Variants in PCDHA1 observed in about 807,000 individuals in gnomAD.
PCDHA1 encodes the protein protocadherin alpha-1.
A neutral mutation model predicts 61.3 loss-of-function variants in PCDHA1; 42 were observed. The ratio of observed to expected loss-of-function variants is 0.69; its 90% confidence interval spans 0.54 to 0.89. The LOEUF is 0.89. Ranked by LOEUF, PCDHA1 falls within the 40% of genes least tolerant of loss-of-function variation. PCDHA1 has a pLI of 0.00. For synonymous variants in PCDHA1, 610 were observed against 553.8 expected (o/e 1.10, Z -1.43); for missense variants, 1,256 against 1,235.3 (o/e 1.02, Z -0.25).
chr5:140,879,879 G>A lies in PCDHA1; in HGVS notation c.2394+91195G>A, dbSNP rs564256513. Among the ~76,000 whole-genome samples the A allele has an allele frequency of 4.6e-5, 7 of 152,240 alleles. No individual in the cohort carries two copies. In the South Asian group the frequency reaches 1.5e-3, roughly 32 times the overall value. On this transcript the variant is annotated intron_variant, in intron 1 of 3. Coordinates refer to ENST00000504120, the MANE Select transcript of PCDHA1 (RefSeq NM_018900.4). ...CCTTCTCAGCTTTCATGGTCACATT[G>A]CCTCCTCCTCTCCATGTCTCTCTCT... is the stretch of plus-strand genomic sequence containing the variant.
chr5:140,865,854 C>T (rs1029695094), intron 1 of PCDHA1: 1 of 152,144 alleles, frequency 6.6e-6, no homozygotes, highest in Non-Finnish European at 1.5e-5. Context: ...TTTCTCTGCT[C>T]AAACATGGTC....
intron 1 of PCDHA1, chr5:140,862,507 G>C (rs2047400822): frequency 5.0e-6 from 2 of 401,986 alleles, no homozygotes; most frequent in Non-Finnish European, 5.0e-6. Flanking sequence ...ATGGGGACTC[G>C]CTTTCATTGT....
rs576230620 is a variant in PCDHA1 at position 140,948,680 on chromosome 5, T to C, written c.2395-30269T>C. 2.0e-5 allele frequency among the ~76,000 whole-genome samples: 3 copies of C among 151,762 alleles called. No homozygotes were observed. The South Asian group carries it at 6.2e-4, about 31-fold the overall frequency. On this transcript the variant is annotated intron_variant, in intron 1 of 3. Coordinates refer to ENST00000504120, the MANE Select transcript of PCDHA1 (RefSeq NM_018900.4). Reference sequence around the variant, plus strand: ...ATCTGTAGTGATAACATCTTTTTCATTTTTGATATTGGTGATTTGTGTTCT... The same window carrying C: ...ATCTGTAGTGATAACATCTTTTTCACTTTTGATATTGGTGATTTGTGTTCT...
intron 1 of PCDHA1, among the ~76,000 whole-genome samples, chr5:140,899,853 G>T (rs2067594174): frequency 6.6e-6 from 1 of 152,118 alleles, no homozygotes; most frequent in South Asian, 2.1e-4. Context: ...TGTCACCCAG[G>T]CTGGAGTGCA....
intron 1 of PCDHA1, among the ~76,000 whole-genome samples, chr5:140,925,482 A>G (rs1238702660): frequency 2.0e-5 from 3 of 152,088 alleles, no homozygotes; most frequent in Admixed American, 6.6e-5. Flanking sequence ...TTCTCATAGA[A>G]CTGATCACTG....
chr5:140,802,323 G>T (rs1459793883), intron 1 of PCDHA1: 1 of 1,614,220 alleles, frequency 6.2e-7, no homozygotes, highest in Non-Finnish European at 8.5e-7. Context: ...CAGCGTGTCC[G>T]ACCGCGACTC....
chr5:140,833,788 C>T (rs1397261820), intron 1 of PCDHA1, among the ~76,000 whole-genome samples: 1 of 152,046 alleles, frequency 6.6e-6, no homozygotes, highest in Non-Finnish European at 1.5e-5. Context: ...GTTTCTCTTT[C>T]ATCAATCAGT....
chr5:140,930,747 CAT>C (rs2087070106), intron 1 of PCDHA1, among the ~76,000 whole-genome samples: 1 of 152,116 alleles, frequency 6.6e-6, no homozygotes, highest in Non-Finnish European at 1.5e-5. Context: ...AATAAATTTA[CAT>C]ATGTTAAAAT....
chr5:140,895,309 C>A (rs1327911944), intron 1 of PCDHA1, among the ~76,000 whole-genome samples: 1 of 152,124 alleles, frequency 6.6e-6, no homozygotes, highest in African/African-American at 2.4e-5. Context: ...CCCCCTTCCA[C>A]CCATGACTAT....
chr5:140,967,119 T>C lies in PCDHA1; in HGVS notation c.2395-11830T>C, dbSNP rs374670692. 97 of 1,612,790 alleles carry C rather than the reference T, an allele frequency of 6.0e-5. No homozygotes were observed. The highest frequency in any genetic ancestry group is 8.1e-5 in the Non-Finnish European group (95 of 1,179,410). The stretch of plus-strand genomic sequence containing the variant: ...CTGTGTGAGCAGCGGCCTCGCTGCC[T>C]GCTCAGCTTGGAAGTGCTGGCGCAC... On this transcript the variant is annotated intron_variant, in intron 1 of 3. Transcript: ENST00000504120.
At chr5:140,876,950 C>A in intron 1 of PCDHA1, 1 of 1,613,514 alleles carries the variant, frequency 6.2e-7, no homozygotes, top group Non-Finnish European at 8.5e-7. Context: ...GTGTCCTACT[C>A]GCTGGTGGAG....
At chr5:140,989,894 T>C (rs907697062) in intron 3 of PCDHA1, among the ~76,000 whole-genome samples, 7 of 151,812 alleles carry the variant, frequency 4.6e-5, no homozygotes, top group Admixed American at 3.3e-4. Context: ...GTCTCCGTTA[T>C]TCACAATCAG....
intron 1 of PCDHA1, chr5:140,802,818 G>T (rs1763037287): frequency 6.2e-7 from 1 of 1,613,474 alleles, no homozygotes; most frequent in South Asian, 1.1e-5. Context: ...GCGCGATGCG[G>T]GCGTGCCGCC....
rs1475078197 is a variant in PCDHA1, at chr5:140,845,480, C to A, written c.2394+56796C>A. On this transcript the variant is annotated intron_variant, in intron 1 of 3. Coordinates refer to ENST00000504120, the MANE Select transcript of PCDHA1 (RefSeq NM_018900.4). ...TCTGATATTTGAATTTGGGGTTGTG[C>A]TTTCACAGTGAGAAAGTCTAAACCT... is the stretch of plus-strand genomic sequence containing the variant. 1.3e-5 allele frequency among the ~76,000 whole-genome samples: 2 copies of A among 149,578 alleles called. 1 individual carries two copies. Among genetic ancestry groups the A allele is most frequent in the South Asian group, 4.2e-4 (2 of 4,742 alleles).
In PCDHA1 at chr5:140,795,175, C is replaced by T. The variant is rs782561212; in HGVS notation, c.2394+6491C>T. 6 of 1,614,062 alleles carry T rather than the reference C, an allele frequency of 3.7e-6. 1 individual carries two copies. The South Asian group carries it at 6.6e-5, about 18-fold the overall frequency. ...CCTGTTCCGGGTGGCGTCCAAAAGA[C>T]ACGGGGACCTTCTGGAGGTAAATCT... On this transcript the variant is annotated intron_variant, in intron 1 of 3. Coordinates refer to ENST00000504120, the MANE Select transcript of PCDHA1 (RefSeq NM_018900.4).
chr5:140,915,665 G>A (rs1208319882), intron 1 of PCDHA1, among the ~76,000 whole-genome samples: 1 of 149,092 alleles, frequency 6.7e-6, no homozygotes, highest in African/African-American at 2.5e-5. Context: ...TCAAGGTGCT[G>A]GGCCATCTTG....
rs1554262529 is a variant in PCDHA1 at position 141,009,890 on chromosome 5, G to A, written c.2806G>A (p.Glu936Lys). 8.1e-6 allele frequency: 13 copies of A among 1,612,626 alleles called. No homozygotes were observed. Among genetic ancestry groups the A allele is most frequent in the Non-Finnish European group, 1.1e-5 (13 of 1,179,746 alleles). ...AAAGAAGAAGGGTAACAAGACCCAG[G>A]AGAAAAAAGAGAAAGGGAACAGCAC... Reference protein sequence around the residue: ...KKKKKGNKTQEKKEKGNSTTD... With the variant: ...KKKKKGNKTQKKKEKGNSTTD... The change falls in exon 4 of 4, where the codon GAG becomes AAG. Residue 936 changes from glutamate to lysine, a missense_variant. Glu to Lys is a moderately conservative substitution (Grantham distance 56). Coordinates refer to ENST00000504120, the MANE Select transcript of PCDHA1 (RefSeq NM_018900.4).
At chr5:141,000,389 CTCTCTCTATA>C (rs1363755181) in intron 3 of PCDHA1, among the ~76,000 whole-genome samples, 150 of 62,510 alleles carry the variant, frequency 2.4e-3, no homozygotes, top group African/African-American at 5.3e-3. Context: ...CTCTCTCTCT[CTCTCTCTATA>C]TATATATATA....
chr5:140,808,537 C>T (rs1277365179), intron 1 of PCDHA1: 1 of 1,614,052 alleles, frequency 6.2e-7, no homozygotes, highest in African/African-American at 1.3e-5. Context: ...ATGTGAACGA[C>T]AACGCTCCGG....
Sources: gnomAD v4.1 joint callset for allele counts (sites outside exome capture counted in the v4.1 genomes callset) on GRCh38, gnomAD v4.1.1 for gene constraint, MANE v1.5 for transcripts, NCBI Gene and HGNC (gene_info 2026-07-23, HGNC 2026-07-21) for gene names.